The following SYT9 variants were observed in gnomAD, a reference collection of about 807,000 sequenced individuals.
SYT9 encodes the protein synaptotagmin 9.
SYT9 carries 22 observed loss-of-function variants against 48.4 expected under a neutral mutation model. That is an observed-to-expected ratio of 0.45 (90% CI 0.32 to 0.65). The LOEUF (loss-of-function observed/expected upper bound fraction) is 0.65, where lower values mean the gene tolerates loss of function less well. Among genes scored for constraint, SYT9 ranks in the 30% least tolerant of loss-of-function variants. SYT9 has a pLI of 0.03. For missense variants in SYT9, 577 were observed against 622.0 expected, an observed-to-expected ratio of 0.93 and a Z score of 0.77; for synonymous variants, 265 against 245.0, an observed-to-expected ratio of 1.08 and a Z score of -0.76.
At chr11:7,452,147 A>ACACT (rs1848066540) in intron 6 of SYT9, among the ~76,000 whole-genome samples, 2 of 151,474 alleles carry the variant, frequency 1.3e-5, no homozygotes, top group African/African-American at 2.4e-5. Context: ...ACACACACAC[A>ACACT]CTGAGGAAAA....
chr11:7,463,031 G>A (rs1198831027), intron 6 of SYT9, among the ~76,000 whole-genome samples: 1 of 152,146 alleles, frequency 6.6e-6, no homozygotes, highest in Non-Finnish European at 1.5e-5. Context: ...TATGTCTCAG[G>A]ACAATTGAAT....
At chr11:7,307,755 A>G (rs1849059077) in intron 2 of SYT9, among the ~76,000 whole-genome samples, 1 of 152,264 alleles carries the variant, frequency 6.6e-6, no homozygotes, top group East Asian at 1.9e-4. Flanking sequence ...GAACTCAGCT[A>G]GGATCAATGG....
intron 3 of SYT9, among the ~76,000 whole-genome samples, chr11:7,380,778 A>G (rs1850546891): frequency 1.3e-5 from 2 of 152,164 alleles, no homozygotes; most frequent in African/African-American, 4.8e-5. Context: ...GCCATATCGC[A>G]TTTTGATTCA....
At chr11:7,410,794 A>G (rs956554412) in intron 3 of SYT9, among the ~76,000 whole-genome samples, 3 of 152,066 alleles carry the variant, frequency 2.0e-5, no homozygotes, top group African/African-American at 7.2e-5. Flanking sequence ...ATGTTTTCTT[A>G]TATATTCAAC....
intron 3 of SYT9, among the ~76,000 whole-genome samples, chr11:7,353,254 C>T (rs73397549): frequency 0.012 from 1,861 of 152,104 alleles, 44 homozygotes; most frequent in African/African-American, 0.041. Context: ...TGGTGTCCTC[C>T]CCTGAGGCTT....
intron 1 of SYT9, among the ~76,000 whole-genome samples, chr11:7,296,714 A>T (rs1848813919): frequency 6.6e-6 from 1 of 152,244 alleles, no homozygotes; most frequent in Admixed American, 6.5e-5. Flanking sequence ...AGAAAATAAG[A>T]TATTAAATAA....
chr11:7,306,824 C>A (rs143273842), intron 2 of SYT9, among the ~76,000 whole-genome samples: 83 of 152,284 alleles, frequency 5.5e-4, no homozygotes, highest in African/African-American at 1.9e-3. Flanking sequence ...TTAAGTGATT[C>A]TTTATTGCTT....
At chr11:7,378,830 A>G (rs1233756967) in intron 3 of SYT9, among the ~76,000 whole-genome samples, 1 of 152,098 alleles carries the variant, frequency 6.6e-6, no homozygotes, top group African/African-American at 2.4e-5. Context: ...AGGAATTCTT[A>G]GTTTTGATGG....
At chr11:7,272,970 A>G (rs990214164) in intron 1 of SYT9, among the ~76,000 whole-genome samples, 1 of 152,208 alleles carries the variant, frequency 6.6e-6, no homozygotes, top group African/African-American at 2.4e-5. Context: ...TGATGTAATG[A>G]CAGTTAAAGT....
intron 1 of SYT9, among the ~76,000 whole-genome samples, chr11:7,287,689 T>A (rs967087209): frequency 2.6e-5 from 4 of 152,206 alleles, no homozygotes; most frequent in African/African-American, 9.6e-5. Flanking sequence ...ACTCATAACC[T>A]GGCTATTGCG....
At chr11:7,349,051 C>T (rs1284929476) in intron 3 of SYT9, among the ~76,000 whole-genome samples, 1 of 152,014 alleles carries the variant, frequency 6.6e-6, no homozygotes, top group Non-Finnish European at 1.5e-5. Context: ...CTCCCCGCAG[C>T]TTTTAGGGAG....
At chr11:7,301,271 G>T (rs921807941) in intron 1 of SYT9, among the ~76,000 whole-genome samples, 1 of 152,300 alleles carries the variant, frequency 6.6e-6, no homozygotes, top group Non-Finnish European at 1.5e-5. Flanking sequence ...AGATTGATTG[G>T]GCGGCAAAGA....
chr11:7,283,693 A>G (rs540185404), intron 1 of SYT9, among the ~76,000 whole-genome samples: 2 of 152,306 alleles, frequency 1.3e-5, no homozygotes, highest in South Asian at 4.1e-4. Context: ...ATTAGAGTAC[A>G]GTGGTTAAGA....
At chr11:7,310,473 G>T (rs1404117330) in intron 2 of SYT9, among the ~76,000 whole-genome samples, 3 of 139,326 alleles carry the variant, frequency 2.2e-5, no homozygotes, top group East Asian at 4.3e-4. Context: ...TTGAGACGGA[G>T]TCTCACCCTG....
intron 3 of SYT9, among the ~76,000 whole-genome samples, chr11:7,367,062 A>G (rs929793284): frequency 9.3e-5 from 13 of 139,184 alleles, no homozygotes; most frequent in Non-Finnish European, 2.0e-4. Flanking sequence ...CCTTCTTTCC[A>G]GGAGACCATC....
chr11:7,384,677 G>A (rs1394844329), intron 3 of SYT9, among the ~76,000 whole-genome samples: 1 of 152,134 alleles, frequency 6.6e-6, no homozygotes, highest in East Asian at 1.9e-4. Context: ...TCCTGTAATA[G>A]TGCTACTTGA....
chr11:7,449,290 G>A (rs2134145615), intron 6 of SYT9, among the ~76,000 whole-genome samples: 2 of 128,444 alleles, frequency 1.6e-5, no homozygotes, highest in East Asian at 2.5e-4. Context: ...GTTGCAGTGA[G>A]CCAGCCTGGG....
At chr11:7,363,381 C>G (rs182451801) in intron 3 of SYT9, among the ~76,000 whole-genome samples, 1 of 152,134 alleles carries the variant, frequency 6.6e-6, no homozygotes, top group East Asian at 1.9e-4. Context: ...AGGTAAATGG[C>G]AATACTAGTA....
At chr11:7,381,956 G>A (rs1472763720) in intron 3 of SYT9, among the ~76,000 whole-genome samples, 2 of 152,170 alleles carry the variant, frequency 1.3e-5, no homozygotes, top group Non-Finnish European at 2.9e-5. Context: ...ATGTGGGGAA[G>A]GAAGGAACTA....
Sources: gnomAD v4.1 joint callset for allele counts (sites outside exome capture counted in the v4.1 genomes callset) on GRCh38, gnomAD v4.1.1 for gene constraint, MANE v1.5 for transcripts, NCBI Gene and HGNC (gene_info 2026-07-23, HGNC 2026-07-21) for gene names.